CRB1: variants seen among roughly 807,000 people sequenced by gnomAD.
The protein encoded by CRB1 is crumbs cell polarity complex component 1.
In CRB1, 83 loss-of-function variants were observed where a neutral mutation model predicts 120.0. That is an observed-to-expected ratio of 0.69 (90% CI 0.58 to 0.83). CRB1 has a LOEUF of 0.83. Among genes scored for constraint, CRB1 ranks in the 40% least tolerant of loss-of-function variants. CRB1 has a pLI of 0.00. For synonymous variants in CRB1, 625 were observed against 612.5 expected (o/e 1.02, Z -0.30); for missense variants, 1,699 against 1,687.6 (o/e 1.01, Z -0.12).
In CRB1 at chr1:197,442,270, C is replaced by A. The variant is rs762975680; in HGVS notation, c.3983C>A (p.Ala1328Asp). 1 of 1,614,176 alleles carries A rather than the reference C, an allele frequency of 6.2e-7. No homozygotes were observed. Among genetic ancestry groups the A allele is most frequent in the African/African-American group, 1.3e-5 (1 of 75,040 alleles). The change falls in exon 11 of 12, where the codon GCT (alanine) becomes GAT (aspartate). Residue 1328 changes from alanine (A) to aspartate (D), a missense_variant. Physicochemically the swap from Ala to Asp is moderately radical, Grantham distance 126. Coordinates refer to ENST00000367400, the MANE Select transcript of CRB1 (RefSeq NM_201253.3). ...KFQCLCDVAF[A>D]GERCEVDLAD... ...CAGTGCCTCTGTGATGTTGCCTTTG[C>A]TGGCGAGCGCTGCGAGGTGGACGTA...
At chr1:197,448,944 T>C (rs950655604) in intron 11 of CRB1, among the ~76,000 whole-genome samples, 4 of 152,212 alleles carry the variant, frequency 2.6e-5, no homozygotes, top group Non-Finnish European at 4.4e-5. Flanking sequence ...GAAATTATAT[T>C]GCTTCCTTAT....
At chr1:197,287,369 C>A (rs2125230639) in intron 1 of CRB1, among the ~76,000 whole-genome samples, 1 of 151,988 alleles carries the variant, frequency 6.6e-6, no homozygotes, top group East Asian at 2.0e-4. Flanking sequence ...AATTCAAGCT[C>A]TTCAGAATGT....
intron 6 of CRB1, 149 bp downstream of exon 6, chr1:197,422,105 A>G (rs1183548037): frequency 1.9e-5 from 13 of 687,084 alleles, no homozygotes; most frequent in Non-Finnish European, 3.2e-5. Context: ...GAGAAAGAAA[A>G]GAAGAGGGCA....
At chr1:197,445,631 T>C (rs1665665346) in intron 11 of CRB1, among the ~76,000 whole-genome samples, 1 of 152,234 alleles carries the variant, frequency 6.6e-6, no homozygotes, top group Admixed American at 6.5e-5. Context: ...AGCTTTAATT[T>C]TGCAATATTA....
chr1:197,273,557 C>T (rs1289190836), intron 1 of CRB1, among the ~76,000 whole-genome samples: 1 of 152,092 alleles, frequency 6.6e-6, no homozygotes, highest in Non-Finnish European at 1.5e-5. Flanking sequence ...ATTCGAAATT[C>T]TTCTGCATAG....
chr1:197,216,532 G>A, the CRB1 span, among the ~76,000 whole-genome samples: 113 of 152,256 alleles, frequency 7.4e-4, 2 homozygotes, highest in East Asian at 0.02. Context: ...TTAAGTTAGT[G>A]TAAAGATACA....
At chr1:197,433,066 T>A (rs1664952253) in intron 8 of CRB1, among the ~76,000 whole-genome samples, 1 of 151,832 alleles carries the variant, frequency 6.6e-6, no homozygotes, top group Non-Finnish European at 1.5e-5. Flanking sequence ...ATGAATTTTT[T>A]TTTTTTTTGA....
At chr1:197,275,207 G>A (rs780293053) in intron 1 of CRB1, among the ~76,000 whole-genome samples, 5 of 151,970 alleles carry the variant, frequency 3.3e-5, no homozygotes, top group Non-Finnish European at 5.9e-5. Context: ...ATGTTAACTT[G>A]ATTACATCTG....
intron 1 of CRB1, among the ~76,000 whole-genome samples, chr1:197,312,454 G>A (rs1026859966): frequency 2.0e-5 from 3 of 152,098 alleles, no homozygotes; most frequent in African/African-American, 7.2e-5. Context: ...GTGGTGGCAG[G>A]CACTTGTAAT....
chr1:197,288,783 A>C (rs72740516), intron 1 of CRB1, among the ~76,000 whole-genome samples: 25,509 of 151,752 alleles, frequency 0.17, 2,366 homozygotes, highest in Middle Eastern at 0.25. Context: ...AAAATTAAAC[A>C]TAAAGAGAAA....
intron 5 of CRB1, among the ~76,000 whole-genome samples, chr1:197,359,526 A>C (rs527828775): frequency 2.6e-5 from 4 of 152,308 alleles, no homozygotes; most frequent in African/African-American, 4.8e-5. Context: ...CTATTAATTC[A>C]TAACAGCCGC....
the CRB1 span, among the ~76,000 whole-genome samples, chr1:197,260,166 A>G: frequency 6.3e-3 from 940 of 149,450 alleles, 13 homozygotes; most frequent in African/African-American, 0.023. Context: ...AGAAAGAGAG[A>G]GAGAGGAAGA....
chr1:197,397,286 G>A (rs375603353), intron 5 of CRB1, among the ~76,000 whole-genome samples: 1 of 152,060 alleles, frequency 6.6e-6, no homozygotes, highest in African/African-American at 2.4e-5. Context: ...GAGAAGGAAG[G>A]AGAGAGAGTA....
At chr1:197,380,081 A>G (rs988344777) in intron 5 of CRB1, among the ~76,000 whole-genome samples, 1 of 152,198 alleles carries the variant, frequency 6.6e-6, no homozygotes, top group African/African-American at 2.4e-5. Context: ...GCAGATAAAG[A>G]AAAAAATGAT....
chr1:197,269,344 C>T (rs1654779798), intron 1 of CRB1, among the ~76,000 whole-genome samples: 1 of 152,182 alleles, frequency 6.6e-6, no homozygotes, highest in Admixed American at 6.5e-5. Context: ...CCTTCTGTGG[C>T]TGCACCAGTG....
intron 5 of CRB1, among the ~76,000 whole-genome samples, chr1:197,419,149 A>T (rs1320062369): frequency 6.6e-6 from 1 of 152,192 alleles, no homozygotes; most frequent in Non-Finnish European, 1.5e-5. Context: ...ATGAGGAAAC[A>T]AATATAGAAA....
chr1:197,268,600 T>C (rs1187440319), intron 1 of CRB1, 118 bp downstream of exon 1: 3 of 842,310 alleles, frequency 3.6e-6, no homozygotes, highest in Non-Finnish European at 5.8e-6. Flanking sequence ...AGGAAGTTTT[T>C]ATTTGTTTTT....
chr1:197,476,057 C>A (rs1451272964), intron 11 of CRB1, among the ~76,000 whole-genome samples: 1 of 151,944 alleles, frequency 6.6e-6, no homozygotes, highest in Non-Finnish European at 1.5e-5. Context: ...TTACAGGCAC[C>A]CACCACCATG....
chr1:197,395,014 G>A (rs768444898), intron 5 of CRB1, among the ~76,000 whole-genome samples: 4 of 152,064 alleles, frequency 2.6e-5, no homozygotes, highest in Non-Finnish European at 5.9e-5. Flanking sequence ...CATATGGTTG[G>A]CATAGTAACC....
Sources: allele counts gnomAD v4.1 joint callset (sites outside exome capture counted in the v4.1 genomes callset), GRCh38; gene constraint gnomAD v4.1.1; transcripts MANE v1.5; gene names NCBI Gene and HGNC (gene_info 2026-07-23, HGNC 2026-07-21).